The following PIGN variants were observed in gnomAD, a reference collection of about 807,000 sequenced individuals.
The protein encoded by PIGN is GPI ethanolamine phosphate transferase 1.
PIGN carries 117 observed loss-of-function variants against 125.4 expected under a neutral mutation model. That is an observed-to-expected ratio of 0.93 (90% CI 0.80 to 1.09). PIGN has a LOEUF of 1.09. PIGN is among the 50% of genes least tolerant of loss of function. PIGN has a pLI of 0.00. For synonymous variants in PIGN, 392 were observed against 377.8 expected (o/e 1.04, Z -0.44); for missense variants, 1,075 against 1,094.9 (o/e 0.98, Z 0.26).
At chr18:62,154,691 T>G in intron 6 of PIGN, 40 bp from the exon 7 acceptor site, 1 of 926,908 alleles carries the variant, frequency 1.1e-6, no homozygotes, top group Non-Finnish European at 1.7e-6. Context: ...TTTTACAAAA[T>G]CTTTTAAACT....
At chr18:62,169,328 T>C (rs4940547) in intron 1 of PIGN, among the ~76,000 whole-genome samples, 88,621 of 152,080 alleles carry the variant, frequency 0.58, 26,621 homozygotes, top group East Asian at 0.79. Flanking sequence ...AGATATAGCA[T>C]AATTTGTTTA....
chr18:62,140,370 C>T (rs776749636), intron 12 of PIGN, 50 bp downstream of exon 12: 13 of 814,982 alleles, frequency 1.6e-5, no homozygotes, highest in South Asian at 6.8e-5. Flanking sequence ...TTTTACTGTG[C>T]GATAGTTTTT....
intron 25 of PIGN, among the ~76,000 whole-genome samples, chr18:62,085,664 C>A (rs1419361671): frequency 6.6e-6 from 1 of 152,138 alleles, no homozygotes; most frequent in African/African-American, 2.4e-5. Context: ...AAACCCACCA[C>A]CTGCTAAGCA....
intron 17 of PIGN, 82 bp downstream of exon 17, chr18:62,109,752 G>T (rs2034799557): frequency 2.5e-6 from 3 of 1,187,048 alleles, no homozygotes; most frequent in East Asian, 2.4e-5. Flanking sequence ...GATGACTTAT[G>T]GTACAGAAAT....
At chr18:62,149,339 A>C (rs1417208299) in intron 7 of PIGN, among the ~76,000 whole-genome samples, 1 of 152,200 alleles carries the variant, frequency 6.6e-6, no homozygotes, top group Non-Finnish European at 1.5e-5. Flanking sequence ...TATACATTCT[A>C]CTTAACCCCT....
intron 22 of PIGN, among the ~76,000 whole-genome samples, chr18:62,099,735 C>T (rs756116661): frequency 3.3e-5 from 5 of 151,946 alleles, no homozygotes; most frequent in South Asian, 2.1e-4. Context: ...CTCCAATAAA[C>T]GGTGCTAGGA....
At chr18:62,106,678 T>A in intron 19 of PIGN, 111 bp downstream of exon 19, 1 of 695,468 alleles carries the variant, frequency 1.4e-6, no homozygotes, top group Middle Eastern at 2.6e-4. Flanking sequence ...GGCTCTTTTA[T>A]GTAAGAACAC....
At chr18:62,115,164 T>C (rs2035040576) in intron 14 of PIGN, among the ~76,000 whole-genome samples, 1 of 152,180 alleles carries the variant, frequency 6.6e-6, no homozygotes, top group African/African-American at 2.4e-5. Context: ...TTATACTATA[T>C]CATATACCTT....
rs537351103 is a variant in PIGN, at chr18:62,065,128, C to T, written c.2672+7545G>A. 9.8e-5 allele frequency among the ~76,000 whole-genome samples: 15 copies of T among 152,322 alleles called. 1 individual carries two copies. In the South Asian group the frequency reaches 1.5e-3, roughly 15 times the overall value. On this transcript the variant is annotated intron_variant, in intron 30 of 30. Transcript: ENST00000640252. ...TCTTTTTCTTTCTCTCTCTCTCTCC[C>T]TCCCTTTGTCCTCCTTTATTCCTTC...
At chr18:62,061,581 G>A (rs536002815) in intron 30 of PIGN, among the ~76,000 whole-genome samples, 59 of 149,146 alleles carry the variant, frequency 4.0e-4, no homozygotes, top group African/African-American at 1.4e-3. Flanking sequence ...TTCCATTCCC[G>A]TGAATAAAAA....
At chr18:62,165,443 T>C (rs2037098247) in intron 1 of PIGN, among the ~76,000 whole-genome samples, 1 of 152,144 alleles carries the variant, frequency 6.6e-6, no homozygotes, top group Non-Finnish European at 1.5e-5. Flanking sequence ...AGGTAAAAAA[T>C]GACTTCCAGA....
intron 1 of PIGN, among the ~76,000 whole-genome samples, chr18:62,185,250 T>C (rs934583256): frequency 6.6e-6 from 1 of 152,230 alleles, no homozygotes; most frequent in African/African-American, 2.4e-5. Flanking sequence ...GCAATCCCTT[T>C]TGCTAAGAAA....
intron 1 of PIGN, among the ~76,000 whole-genome samples, chr18:62,174,729 T>A (rs555795508): frequency 6.6e-6 from 1 of 152,156 alleles, no homozygotes; most frequent in South Asian, 2.1e-4. Flanking sequence ...ATCGGTTAAA[T>A]TAATGCTAAT....
rs1263287059 is a variant in PIGN, at chr18:62,043,428, G to C, written c.*2428C>G. On this transcript the variant is annotated 3_prime_UTR_variant, in exon 31 of 31. Coordinates refer to ENST00000640252, the MANE Select transcript of PIGN (RefSeq NM_176787.5). ...AAACAAGTGTAAAAAGGTCGCAGGAGGGGAGGAGGATTGACACTGATGTTC... is the reference window on the plus strand; with the variant it reads ...AAACAAGTGTAAAAAGGTCGCAGGACGGGAGGAGGATTGACACTGATGTTC... 2.0e-5 allele frequency: 3 copies of C among 152,176 alleles called. No individual in the cohort carries two copies. The highest frequency in any genetic ancestry group is 7.2e-5 in the African/African-American group (3 of 41,418). The allele number at this position is 152,176 out of a possible 1,614,324, so 9.4% of individuals were successfully genotyped here.
rs1347474140 is a variant in PIGN, at chr18:62,114,662, G to A, written c.1173-23C>T. The A allele has an allele frequency of 3.5e-6, 4 of 1,145,740 alleles. No individual in the cohort carries two copies. The African/African-American group carries it at 4.7e-5, about 13-fold the overall frequency. 71.0% of individuals were successfully genotyped at this position (1,145,740 alleles called of 1,614,324 possible). A position where few individuals can be genotyped will look rare whatever the true frequency, so the allele number is the denominator to read the frequency against. ...AGTCTATATATAAAAAAAAGAATAGGTTTAAAGGGTTTCCTCATTCCAAGT... is the reference window on the plus strand; with the variant it reads ...AGTCTATATATAAAAAAAAGAATAGATTTAAAGGGTTTCCTCATTCCAAGT... On this transcript the variant is annotated intron_variant, in intron 14 of 30. Coordinates refer to ENST00000640252, the MANE Select transcript of PIGN (RefSeq NM_176787.5).
chr18:62,133,260 T>C lies in PIGN; in HGVS notation c.1172+4983A>G, dbSNP rs373713066. On this transcript the variant is annotated intron_variant, in intron 14 of 30. Transcript: ENST00000640252. Reference sequence around the variant, plus strand: ...ACTTACATTATTTGCAACTTAGGGATGTAACCCCATCATAAGTCAAGGTGC... The same window carrying C: ...ACTTACATTATTTGCAACTTAGGGACGTAACCCCATCATAAGTCAAGGTGC... 2.0e-5 allele frequency among the ~76,000 whole-genome samples: 3 copies of C among 152,218 alleles called. No homozygotes were observed. The South Asian group carries it at 6.2e-4, about 31-fold the overall frequency.
At chr18:62,179,788 T>A (rs1214332413) in intron 1 of PIGN, among the ~76,000 whole-genome samples, 1 of 152,082 alleles carries the variant, frequency 6.6e-6, no homozygotes, top group African/African-American at 2.4e-5. Context: ...CATCTGTCAT[T>A]CTACAAGATT....
intron 30 of PIGN, chr18:62,052,781 C>G (rs929261044): frequency 4.5e-5 from 9 of 198,574 alleles, no homozygotes; most frequent in Non-Finnish European, 9.1e-5. Flanking sequence ...TTAGTTGATG[C>G]AGTTTCTTCC....
intron 17 of PIGN, 22 bp downstream of exon 17, chr18:62,109,812 G>T: frequency 6.3e-7 from 1 of 1,581,384 alleles, no homozygotes; most frequent in Non-Finnish European, 8.6e-7. Context: ...GAAAAAACAA[G>T]GCAGCAAGAT....
Sources: gnomAD v4.1 joint callset for allele counts (sites outside exome capture counted in the v4.1 genomes callset) on GRCh38, gnomAD v4.1.1 for gene constraint, MANE v1.5 for transcripts, NCBI Gene and HGNC (gene_info 2026-07-23, HGNC 2026-07-21) for gene names.